The following CD200R1 variants were observed in gnomAD, a reference collection of about 807,000 sequenced individuals.
CD200R1 encodes cell surface glycoprotein CD200 receptor 1.
Under a neutral mutation model 38.1 loss-of-function variants are expected in CD200R1, and 30 were observed. The ratio of observed to expected loss-of-function variants is 0.79; its 90% CI spans 0.59 to 1.07. The LOEUF is 1.07. Among genes scored for constraint, CD200R1 ranks in the 50% least tolerant of loss-of-function variants. The pLI, the probability that CD200R1 is intolerant of heterozygous loss-of-function variation, is 0.00. For missense variants in CD200R1, 372 were observed against 415.4 expected, an observed-to-expected ratio of 0.90 and a Z score of 0.91; for synonymous variants, 128 against 152.1, an observed-to-expected ratio of 0.84 and a Z score of 1.16.
intron 1 of CD200R1, among the ~76,000 whole-genome samples, chr3:112,958,609 T>C (rs1482577912): frequency 6.6e-6 from 1 of 152,284 alleles, no homozygotes; most frequent in East Asian, 1.9e-4. Flanking sequence ...TTTAAACTGA[T>C]GCAATTAATT....
intron 2 of CD200R1, among the ~76,000 whole-genome samples, chr3:112,943,169 AGC>A (rs1940766040): frequency 6.6e-6 from 1 of 151,782 alleles, no homozygotes; most frequent in African/African-American, 2.4e-5. Flanking sequence ...TAACAAGAGC[AGC>A]ATACACATTC....
intron 2 of CD200R1, among the ~76,000 whole-genome samples, chr3:112,936,482 T>C (rs1324172592): frequency 6.6e-6 from 1 of 152,220 alleles, no homozygotes; most frequent in Non-Finnish European, 1.5e-5. Flanking sequence ...CTGGACTTTT[T>C]AGTAATCACC....
At chr3:112,961,695 AAAAG>A (rs1287685568) in intron 1 of CD200R1, among the ~76,000 whole-genome samples, 2 of 152,148 alleles carry the variant, frequency 1.3e-5, no homozygotes, top group Non-Finnish European at 2.9e-5. Flanking sequence ...ACAAAAAAGA[AAAAG>A]AAAAATACAT....
intron 1 of CD200R1, among the ~76,000 whole-genome samples, chr3:112,954,415 A>G (rs1454268979): frequency 6.6e-6 from 1 of 152,160 alleles, no homozygotes; most frequent in Non-Finnish European, 1.5e-5. Context: ...CAACTCCTAA[A>G]ATCCTTAAAG....
intron 2 of CD200R1, among the ~76,000 whole-genome samples, chr3:112,935,552 A>C (rs145128143): frequency 0.021 from 3,258 of 152,268 alleles, 40 homozygotes; most frequent in South Asian, 0.047. Context: ...AGAAACACAA[A>C]ATACCAAAAC....
chr3:112,923,797 A>C lies in CD200R1; in HGVS notation c.927T>G (p.Asp309Glu). 1.9e-6 allele frequency: 3 copies of C among 1,566,000 alleles called. No homozygotes were observed. Among genetic ancestry groups the C allele is most frequent in the Non-Finnish European group, 2.6e-6 (3 of 1,153,494 alleles). The stretch of plus-strand genomic sequence containing the variant: ...TGTAGCTGGCATAGGGCTGCATTTC[A>C]TCCTAAGAAAGAACTCAAAGTTAAA... Reference protein sequence around the residue: ...KTESTPVVEEDEMQPYASYTE... With the variant: ...KTESTPVVEEEEMQPYASYTE... The change falls in exon 8 of 8, where the codon GAT (aspartate) becomes GAG (glutamate). Residue 309 changes from aspartate to glutamate, a missense_variant and splice_region_variant. Transcript: ENST00000308611.
intron 1 of CD200R1, among the ~76,000 whole-genome samples, chr3:112,972,724 A>C (rs1458085270): frequency 6.6e-6 from 1 of 152,222 alleles, no homozygotes; most frequent in Non-Finnish European, 1.5e-5. Flanking sequence ...TTATAAGCAA[A>C]TAAGTAGACA....
intron 5 of CD200R1, among the ~76,000 whole-genome samples, chr3:112,925,929 C>T (rs111926631): frequency 0.011 from 1,598 of 152,178 alleles, 21 homozygotes; most frequent in South Asian, 0.031. Flanking sequence ...TTTTTCAATA[C>T]AGACTCCAGA....
chr3:112,959,270 C>A (rs1444116183), intron 1 of CD200R1, among the ~76,000 whole-genome samples: 1 of 152,076 alleles, frequency 6.6e-6, no homozygotes, highest in Non-Finnish European at 1.5e-5. Flanking sequence ...AGAAGTTCTG[C>A]CCTTTCCTTC....
chr3:112,944,555 AG>A (rs1940801609), intron 2 of CD200R1, among the ~76,000 whole-genome samples: 1 of 152,086 alleles, frequency 6.6e-6, no homozygotes, highest in South Asian at 2.1e-4. Flanking sequence ...GCAAAGCATC[AG>A]GAGCAAAGCA....
chr3:112,928,727 G>A (rs974289876), intron 5 of CD200R1, 89 bp downstream of exon 5: 9 of 1,063,894 alleles, frequency 8.5e-6, no homozygotes, highest in African/African-American at 6.4e-5. Flanking sequence ...GAGCATCCTC[G>A]AACAAAATAT....
intron 2 of CD200R1, among the ~76,000 whole-genome samples, chr3:112,942,162 AAACAAGTG>A (rs1940742829): frequency 6.6e-6 from 1 of 151,718 alleles, no homozygotes; most frequent in African/African-American, 2.4e-5. Context: ...ACTGGAAAAC[AAACAAGTG>A]AAGGTAAAAT....
intron 1 of CD200R1, among the ~76,000 whole-genome samples, chr3:112,961,898 G>A (rs370394937): frequency 2.0e-5 from 3 of 152,146 alleles, no homozygotes; most frequent in East Asian, 1.9e-4. Context: ...AGGTGACACA[G>A]TAATTATAAT....
chr3:112,962,073 A>C (rs1933033106), intron 1 of CD200R1, among the ~76,000 whole-genome samples: 1 of 152,212 alleles, frequency 6.6e-6, no homozygotes, highest in Non-Finnish European at 1.5e-5. Context: ...ATGCTAATAA[A>C]TTTGGCCCTA....
chr3:112,961,623 G>A (rs1282263585), intron 1 of CD200R1, among the ~76,000 whole-genome samples: 1 of 151,034 alleles, frequency 6.6e-6, no homozygotes, highest in East Asian at 1.9e-4. Context: ...TATAAAACAT[G>A]GAAACCATAA....
At chr3:112,947,467 ACTTTT>A (rs1182452390) in intron 2 of CD200R1, among the ~76,000 whole-genome samples, 2 of 152,156 alleles carry the variant, frequency 1.3e-5, no homozygotes, top group African/African-American at 4.8e-5. Flanking sequence ...AAGTCTGTTA[ACTTTT>A]CTTTTCTGTT....
chr3:112,972,584 G>C (rs1009241597), intron 1 of CD200R1, among the ~76,000 whole-genome samples: 12 of 152,200 alleles, frequency 7.9e-5, no homozygotes, highest in Admixed American at 7.9e-4. Context: ...GGTACGGGGA[G>C]TGTCCGGGAA....
Position 112,926,961 on chromosome 3 carries a change from TAGA to T in CD200R1, c.770-1771_770-1769del, listed in dbSNP as rs766598324. ...ACTCTAGAGTAGGAAGCATCAAATA[TAGA>T]AGAAGAAGTATGTGGAGGGGTGAAG... On this transcript the variant is annotated intron_variant, in intron 5 of 7. Coordinates refer to ENST00000308611, the MANE Select transcript of CD200R1 (RefSeq NM_138806.4). Among the ~76,000 whole-genome samples the T allele has an allele frequency of 5.3e-5, 8 of 152,182 alleles. No homozygotes were observed. The East Asian group carries it at 7.7e-4, about 15-fold the overall frequency.
In CD200R1 at chr3:112,923,349, G is replaced by C. The variant is rs10511312; in HGVS notation, c.*328C>G. 6,975 of 183,446 alleles carry C rather than the reference G, an allele frequency of 0.038. 281 individuals carry two copies. Among genetic ancestry groups the C allele is most frequent in the East Asian group, 0.21 (1,207 of 5,838 alleles). 11.4% of individuals were successfully genotyped at this position (183,446 alleles called of 1,614,324 possible). A position where few individuals can be genotyped will look rare whatever the true frequency, so the allele number is the denominator to read the frequency against. On this transcript the variant is annotated 3_prime_UTR_variant, in exon 8 of 8. Transcript: ENST00000308611. ...TAAAATATTCTGAAAGGATACACAA[G>C]AAACTGTTCACACTTGCTCCTTCTT...
Sources: allele counts gnomAD v4.1 joint callset (sites outside exome capture counted in the v4.1 genomes callset), GRCh38; gene constraint gnomAD v4.1.1; transcripts MANE v1.5; gene names NCBI Gene and HGNC (gene_info 2026-07-23, HGNC 2026-07-21).